F2RL1: variants seen among roughly 807,000 people sequenced by gnomAD.
F2RL1 encodes the protein proteinase-activated receptor 2.
In F2RL1, 16 loss-of-function variants were observed where a neutral mutation model predicts 21.7. The ratio of observed to expected loss-of-function variants is 0.74; its 90% CI spans 0.50 to 1.12. The LOEUF is 1.12. Ranked by LOEUF, F2RL1 falls within the 50% of genes most tolerant of loss-of-function variation. The pLI, the probability that F2RL1 is intolerant of heterozygous loss-of-function variation, is 0.00. For synonymous variants in F2RL1, 181 were observed against 186.7 expected (o/e 0.97, Z 0.25); for missense variants, 432 against 477.8 (o/e 0.90, Z 0.89).
At chr5:76,821,863 G>C (rs1394311510) in intron 1 of F2RL1, among the ~76,000 whole-genome samples, 2 of 151,958 alleles carry the variant, frequency 1.3e-5, no homozygotes, top group African/African-American at 2.4e-5. Flanking sequence ...TTACAGGCAT[G>C]AGCTACTGCG....
intron 1 of F2RL1, among the ~76,000 whole-genome samples, chr5:76,823,179 G>A (rs1328848428): frequency 2.0e-5 from 3 of 150,136 alleles, no homozygotes; most frequent in African/African-American, 4.9e-5. Flanking sequence ...GCAGTGAGCC[G>A]AGATCGTGCC....
At chr5:76,826,557 A>G (rs1205599275) in intron 1 of F2RL1, among the ~76,000 whole-genome samples, 1 of 151,110 alleles carries the variant, frequency 6.6e-6, no homozygotes, top group Non-Finnish European at 1.5e-5. Context: ...TCTGTCACCC[A>G]GGCTGGAGTG....
rs1056079982 is a variant in F2RL1 at position 76,834,974 on chromosome 5, A to G, written c.*1173A>G. The G allele has an allele frequency of 2.0e-5, 3 of 152,378 alleles. No individual in the cohort carries two copies. The highest frequency in any genetic ancestry group is 4.4e-5 in the Non-Finnish European group (3 of 68,042). The allele number at this position is 152,378 out of a possible 1,614,324, so 9.4% of individuals were successfully genotyped here. On this transcript the variant is annotated 3_prime_UTR_variant, in exon 2 of 2. Transcript: ENST00000296677. ...GAAAAATGCAATCAGGATTTTAAAC[A>G]TGTAAATACAAATTTTGTATAACTT...
At chr5:76,822,561 A>G (rs1188003859) in intron 1 of F2RL1, among the ~76,000 whole-genome samples, 1 of 152,190 alleles carries the variant, frequency 6.6e-6, no homozygotes, top group Non-Finnish European at 1.5e-5. Flanking sequence ...ACTGGAAGAT[A>G]GGACTTTAAA....
intron 1 of F2RL1, among the ~76,000 whole-genome samples, chr5:76,823,059 T>C (rs1253645412): frequency 6.6e-6 from 1 of 152,056 alleles, no homozygotes; most frequent in Non-Finnish European, 1.5e-5. Context: ...TGAAACCCTG[T>C]CTCTACTAAA....
At position 76,826,626 on chromosome 5, in the gene F2RL1, C is replaced by T. The variant is rs1239873819; in HGVS notation, c.83-6064C>T. ...TTTCAAGTGATTCTCCTGCCTCAGCCTCCTGAGTAGTTGGGACTGTGGGCC... is the reference window on the plus strand; with the variant it reads ...TTTCAAGTGATTCTCCTGCCTCAGCTTCCTGAGTAGTTGGGACTGTGGGCC... On this transcript the variant is annotated intron_variant, in intron 1 of 1. Coordinates refer to ENST00000296677, the MANE Select transcript of F2RL1 (RefSeq NM_005242.6). Among the ~76,000 whole-genome samples, 3 of 151,506 alleles carry T rather than the reference C, an allele frequency of 2.0e-5. No homozygotes were observed. The East Asian group carries it at 5.9e-4, about 30-fold the overall frequency.
chr5:76,826,215 T>A (rs578085150), intron 1 of F2RL1, among the ~76,000 whole-genome samples: 1 of 152,256 alleles, frequency 6.6e-6, no homozygotes, highest in South Asian at 2.1e-4. Flanking sequence ...TATCAGATAA[T>A]TTGCACACCA....
intron 1 of F2RL1, among the ~76,000 whole-genome samples, chr5:76,828,623 C>T (rs1750288908): frequency 6.6e-6 from 1 of 150,732 alleles, no homozygotes; most frequent in African/African-American, 2.4e-5. Flanking sequence ...GTATCCAGGA[C>T]TACAGGTGTG....
chr5:76,830,381 A>G (rs1330769467), intron 1 of F2RL1, among the ~76,000 whole-genome samples: 2 of 152,104 alleles, frequency 1.3e-5, no homozygotes, highest in African/African-American at 4.8e-5. Context: ...AGGTTCAAGC[A>G]ATTCTCCTGC....
chr5:76,819,472 A>C (rs1459328686), intron 1 of F2RL1, among the ~76,000 whole-genome samples: 1 of 152,120 alleles, frequency 6.6e-6, no homozygotes, highest in Non-Finnish European at 1.5e-5. Flanking sequence ...GAGCAGCTGA[A>C]GTCAGCGGAG....
At position 76,833,743 on chromosome 5, in the gene F2RL1, A is replaced by G. The variant is rs1234085471; in HGVS notation, c.1136A>G (p.His379Arg). Reference protein sequence around the residue: ...QMQVSLTSKKHSRKSSSYSSS... With the variant: ...QMQVSLTSKKRSRKSSSYSSS... The stretch of plus-strand genomic sequence containing the variant: ...CAAGTATCCCTCACCTCAAAGAAAC[A>G]CTCCAGGAAATCCAGCTCTTACTCT... The change falls in exon 2 of 2, where the codon CAC becomes CGC. Residue 379 changes from histidine (H) to arginine (R), a missense_variant. His to Arg is a conservative substitution (Grantham distance 29). Transcript: ENST00000296677. 6.2e-7 allele frequency: 1 copy of G among 1,613,860 alleles called. No individual in the cohort carries two copies. The highest frequency in any genetic ancestry group is 8.5e-7 in the Non-Finnish European group (1 of 1,179,992).
chr5:76,832,571 C>G lies in F2RL1; in HGVS notation c.83-119C>G, dbSNP rs948919660. 24 of 1,030,064 alleles carry G rather than the reference C, an allele frequency of 2.3e-5. No homozygotes were observed. In the East Asian group the frequency reaches 6.2e-4, roughly 26 times the overall value. The allele number at this position is 1,030,064 out of a possible 1,614,324, so 63.8% of individuals were successfully genotyped here. A position where few individuals can be genotyped will look rare whatever the true frequency, so the allele number is the denominator to read the frequency against. On this transcript the variant is annotated intron_variant, in intron 1 of 1. Transcript: ENST00000296677. ...CACTACGCTCCAGCCTGGGTGACAG[C>G]GAGACCCTGTCTCATAAATTAAAAA...
Position 76,823,765 on chromosome 5 carries a change from C to CT in F2RL1, c.82+4507dup, listed in dbSNP as rs2243074. 6.1e-3 allele frequency among the ~76,000 whole-genome samples: 911 copies of CT among 149,842 alleles called. 3 individuals carry two copies. The highest frequency in any genetic ancestry group is 9.9e-3 in the Non-Finnish European group (666 of 67,606). ...ACATACTGTGCTATGATTTATTTATCTTTTTTACCTAATCGATTCATAGTC... is the reference window on the plus strand; with the variant it reads ...ACATACTGTGCTATGATTTATTTATCTTTTTTTACCTAATCGATTCATAGTC... On this transcript the variant is annotated intron_variant, in intron 1 of 1. Transcript: ENST00000296677.
Position 76,834,299 on chromosome 5 carries a change from C to G in F2RL1, c.*498C>G, listed in dbSNP as rs1047320673. On this transcript the variant is annotated 3_prime_UTR_variant, in exon 2 of 2. Transcript: ENST00000296677. ...TCAACAGCAGTGAGTTGGGATTGGACAGTAGAATTTCAATGTCCAGTGAGT... is the reference window on the plus strand; with the variant it reads ...TCAACAGCAGTGAGTTGGGATTGGAGAGTAGAATTTCAATGTCCAGTGAGT... 3 of 152,454 alleles carry G rather than the reference C, an allele frequency of 2.0e-5. No individual in the cohort carries two copies. Among genetic ancestry groups the G allele is most frequent in the African/African-American group, 4.8e-5 (2 of 41,430 alleles). The allele number at this position is 152,454 out of a possible 1,614,324, so 9.4% of individuals were successfully genotyped here.
rs1529505 is a variant in F2RL1, at chr5:76,819,138, C to T, written c.-45C>T. On this transcript the variant is annotated 5_prime_UTR_variant, in exon 1 of 2. Transcript: ENST00000296677. ...AGTGGAGCTCTGAGTTTCGAATCGGCGGCGGCGGATTCCCCGCGCGCCCGG... is the reference window on the plus strand; with the variant it reads ...AGTGGAGCTCTGAGTTTCGAATCGGTGGCGGCGGATTCCCCGCGCGCCCGG... 824,808 of 1,497,522 alleles carry T rather than the reference C, an allele frequency of 0.55. 234,313 individuals are homozygous for T. Among genetic ancestry groups the T allele is most frequent in the African/African-American group, 0.8 (58,602 of 73,046 alleles). 92.8% of individuals were successfully genotyped at this position (1,497,522 alleles called of 1,614,324 possible). A position where few individuals can be genotyped will look rare whatever the true frequency, so the allele number is the denominator to read the frequency against.
rs1197988947 is a variant in F2RL1, at chr5:76,833,110, G to C, written c.503G>C (p.Cys168Ser). The C allele has an allele frequency of 1.9e-6, 3 of 1,614,094 alleles. No homozygotes were observed. In the African/African-American group the frequency reaches 4.0e-5, roughly 22 times the overall value. The change falls in exon 2 of 2, where the codon TGC (cysteine) becomes TCC (serine). Residue 168 changes from cysteine to serine, a missense_variant. Coordinates refer to ENST00000296677, the MANE Select transcript of F2RL1 (RefSeq NM_005242.6). ...TACTGTTCCATTCTCTTCATGACCT[G>C]CCTCAGTGTGCAGAGGTATTGGGTC... ...NMYCSILFMT[C>S]LSVQRYWVIV...
intron 1 of F2RL1, among the ~76,000 whole-genome samples, chr5:76,821,773 T>A (rs1750140902): frequency 6.6e-6 from 1 of 151,908 alleles, no homozygotes. Flanking sequence ...AGAGACAGGG[T>A]TTCACCATAT....
rs764040748 is a variant in F2RL1, at chr5:76,827,325, C to CA, written c.83-5341dup. On this transcript the variant is annotated intron_variant, in intron 1 of 1. Transcript: ENST00000296677. The stretch of plus-strand genomic sequence containing the variant: ...TGAAACCCCATCTCTACTAAAAATA[C>CA]AAAAAAAAAAAAAAAAAAAAAAAAT... 6.6e-3 allele frequency among the ~76,000 whole-genome samples: 576 copies of CA among 87,536 alleles called. 1 individual carries two copies. The highest frequency in any genetic ancestry group is 0.013 in the African/African-American group (277 of 21,188). The allele number at this position is 87,536 out of a possible 152,430, so 57.4% of individuals were successfully genotyped here.
At position 76,835,150 on chromosome 5, in the gene F2RL1, C is replaced by G. The variant is rs1420984860; in HGVS notation, c.*1349C>G. 6.6e-6 allele frequency: 1 copy of G among 152,222 alleles called. No homozygotes were observed. The highest frequency in any genetic ancestry group is 1.5e-5 in the Non-Finnish European group (1 of 68,028). 9.4% of individuals were successfully genotyped at this position (152,222 alleles called of 1,614,324 possible). ...TGTTATCTAATACAAAATTATAAAG[C>G]CTTCAGAGGGTTTGGACCACATCTC... On this transcript the variant is annotated 3_prime_UTR_variant, in exon 2 of 2. Transcript: ENST00000296677.
Sources: allele counts gnomAD v4.1 joint callset (sites outside exome capture counted in the v4.1 genomes callset), GRCh38; gene constraint gnomAD v4.1.1; transcripts MANE v1.5; gene names NCBI Gene and HGNC (gene_info 2026-07-23, HGNC 2026-07-21).